JAZF1: variants seen among roughly 807,000 people sequenced by gnomAD.
The protein encoded by JAZF1 is JAZF zinc finger 1.
JAZF1 carries 8 observed loss-of-function variants against 26.4 expected under a neutral mutation model. The ratio of observed to expected loss-of-function variants is 0.30; its 90% CI spans 0.18 to 0.55. The LOEUF is 0.55. JAZF1 is among the 20% of genes least tolerant of loss of function. The pLI, the probability that JAZF1 is intolerant of heterozygous loss-of-function variation, is 0.94. For synonymous variants in JAZF1, 126 were observed against 122.3 expected (o/e 1.03, Z -0.20); for missense variants, 199 against 322.0 (o/e 0.62, Z 2.92).
intron 1 of JAZF1, among the ~76,000 whole-genome samples, chr7:27,997,826 G>A (rs1279711273): frequency 2.6e-5 from 4 of 151,696 alleles, no homozygotes; most frequent in South Asian, 4.2e-4. Context: ...CTCTTGCCTC[G>A]GCCTCCCAAA....
intron 1 of JAZF1, among the ~76,000 whole-genome samples, chr7:28,134,771 T>C (rs1782853676): frequency 6.6e-6 from 1 of 152,216 alleles, no homozygotes; most frequent in Admixed American, 6.5e-5. Flanking sequence ...AATATGTGTA[T>C]ATAGGTGTGT....
intron 2 of JAZF1, among the ~76,000 whole-genome samples, chr7:27,936,877 C>A (rs1784769780): frequency 6.6e-6 from 1 of 152,206 alleles, no homozygotes; most frequent in African/African-American, 2.4e-5. Context: ...TATTTTTATA[C>A]CCTTTCCTGC....
At chr7:27,931,603 G>T (rs939133097) in intron 2 of JAZF1, among the ~76,000 whole-genome samples, 2 of 152,082 alleles carry the variant, frequency 1.3e-5, no homozygotes, top group African/African-American at 2.4e-5. Flanking sequence ...TCACCTGAGG[G>T]TCAGGAGTTT....
At chr7:27,861,252 G>A (rs889230596) in intron 3 of JAZF1, among the ~76,000 whole-genome samples, 16 of 152,066 alleles carry the variant, frequency 1.1e-4, no homozygotes, top group Admixed American at 7.2e-4. Flanking sequence ...ACTACTGTGC[G>A]GGGGACTCAT....
chr7:28,030,693 G>A (rs370906402), intron 1 of JAZF1, among the ~76,000 whole-genome samples: 26 of 152,274 alleles, frequency 1.7e-4, no homozygotes, highest in African/African-American at 5.5e-4. Flanking sequence ...AGTACAGGTC[G>A]TCAGTTACCA....
intron 1 of JAZF1, among the ~76,000 whole-genome samples, chr7:28,081,483 C>G (rs73683974): frequency 1.2e-3 from 178 of 152,236 alleles, no homozygotes; most frequent in Middle Eastern, 0.01. Context: ...CTGCGCCATT[C>G]CCCCAGCTAT....
intron 1 of JAZF1, among the ~76,000 whole-genome samples, chr7:28,066,939 C>G (rs1783893260): frequency 6.6e-6 from 1 of 152,150 alleles, no homozygotes; most frequent in African/African-American, 2.4e-5. Context: ...TCATCCAGAG[C>G]CAAGAAGAAC....
In JAZF1 at chr7:28,067,977, G is replaced by A. The variant is rs187479051; in HGVS notation, c.116-75996C>T. Among the ~76,000 whole-genome samples, 54 of 152,204 alleles carry A rather than the reference G, an allele frequency of 3.5e-4. 1 individual carries two copies. In the East Asian group the frequency reaches 9.5e-3, roughly 27 times the overall value. Reference sequence around the variant, plus strand: ...TGCCCAAGCTGGAGTGCAATGGTGCGATCTCAGCTCACTGAAACCTCCACC... The same window carrying A: ...TGCCCAAGCTGGAGTGCAATGGTGCAATCTCAGCTCACTGAAACCTCCACC... On this transcript the variant is annotated intron_variant, in intron 1 of 4. Transcript: ENST00000283928.
At chr7:28,176,353 G>GC (rs1000861122) in intron 1 of JAZF1, among the ~76,000 whole-genome samples, 2 of 152,202 alleles carry the variant, frequency 1.3e-5, no homozygotes, top group African/African-American at 4.8e-5. Flanking sequence ...AGTGCTGCAG[G>GC]CCTGCCTTGG....
chr7:28,041,583 T>C (rs1246685328), intron 1 of JAZF1, among the ~76,000 whole-genome samples: 1 of 152,124 alleles, frequency 6.6e-6, no homozygotes, highest in Non-Finnish European at 1.5e-5. Context: ...CATGTTTGTG[T>C]CTGAGCCTCA....
chr7:27,979,905 A>G (rs1161551894), intron 2 of JAZF1, among the ~76,000 whole-genome samples: 1 of 152,164 alleles, frequency 6.6e-6, no homozygotes, highest in East Asian at 1.9e-4. Flanking sequence ...GTAGCCATCT[A>G]TCATATAGGA....
At chr7:28,162,037 G>C (rs112473718) in intron 1 of JAZF1, among the ~76,000 whole-genome samples, 8 of 152,272 alleles carry the variant, frequency 5.3e-5, no homozygotes, top group African/African-American at 1.9e-4. Context: ...GCTATTAATT[G>C]TCATTATAAC....
In JAZF1 at chr7:27,830,926, T is replaced by C. The variant is rs1782675033; in HGVS notation, c.*1874A>G. On this transcript the variant is annotated 3_prime_UTR_variant, in exon 5 of 5. Coordinates refer to ENST00000283928, the MANE Select transcript of JAZF1 (RefSeq NM_175061.4). ...TGACTATTTTATGACTGTTTAGCTGTTGAACTACTGATCCAGCCTGCAGTT... is the reference window on the plus strand; with the variant it reads ...TGACTATTTTATGACTGTTTAGCTGCTGAACTACTGATCCAGCCTGCAGTT... 4.6e-6 allele frequency: 1 copy of C among 217,548 alleles called. No homozygotes were observed. Among genetic ancestry groups the C allele is most frequent in the South Asian group, 1.9e-4 (1 of 5,394 alleles). 13.5% of individuals were successfully genotyped at this position (217,548 alleles called of 1,614,324 possible). A position where few individuals can be genotyped will look rare whatever the true frequency, so the allele number is the denominator to read the frequency against.
chr7:27,995,108 C>T (rs1264306357), intron 1 of JAZF1, among the ~76,000 whole-genome samples: 1 of 152,178 alleles, frequency 6.6e-6, no homozygotes, highest in Non-Finnish European at 1.5e-5. Context: ...TTCCTTATAC[C>T]ATGCCACATT....
At chr7:28,080,661 G>A (rs999655063) in intron 1 of JAZF1, among the ~76,000 whole-genome samples, 1 of 152,160 alleles carries the variant, frequency 6.6e-6, no homozygotes, top group African/African-American at 2.4e-5. Context: ...GGAATAGGCA[G>A]GCTCAGGGAG....
At chr7:27,925,538 C>T (rs886495419) in intron 2 of JAZF1, among the ~76,000 whole-genome samples, 5 of 152,154 alleles carry the variant, frequency 3.3e-5, no homozygotes, top group African/African-American at 4.8e-5. Context: ...TCTCCCACCT[C>T]GTCCTCACAA....
Position 28,145,471 on chromosome 7 carries a change from C to T in JAZF1, c.115+34992G>A, listed in dbSNP as rs144092246. Among the ~76,000 whole-genome samples the T allele has an allele frequency of 3.8e-3, 577 of 152,274 alleles. 1 individual carries two copies. The highest frequency in any genetic ancestry group is 0.013 in the African/African-American group (552 of 41,556). ...ACCACTTAATCTTACCCCTAAGTAACATCACATGAAGCATTTTTAAATATT... is the reference window on the plus strand; with the variant it reads ...ACCACTTAATCTTACCCCTAAGTAATATCACATGAAGCATTTTTAAATATT... On this transcript the variant is annotated intron_variant, in intron 1 of 4. Transcript: ENST00000283928.
At chr7:28,163,147 G>GATGT (rs1338705540) in intron 1 of JAZF1, among the ~76,000 whole-genome samples, 1 of 152,166 alleles carries the variant, frequency 6.6e-6, no homozygotes, top group Non-Finnish European at 1.5e-5. Flanking sequence ...TGTTTAACAT[G>GATGT]TGCCCCTCAC....
intron 1 of JAZF1, among the ~76,000 whole-genome samples, chr7:28,017,033 T>C (rs1477198043): frequency 1.3e-5 from 2 of 152,124 alleles, no homozygotes; most frequent in African/African-American, 4.8e-5. Context: ...CATCCTACTC[T>C]CTTCACTGGC....
Sources: allele counts gnomAD v4.1 joint callset (sites outside exome capture counted in the v4.1 genomes callset), GRCh38; gene constraint gnomAD v4.1.1; transcripts MANE v1.5; gene names NCBI Gene and HGNC (gene_info 2026-07-23, HGNC 2026-07-21).